Variants in SLC17A6 observed in about 807,000 individuals in gnomAD.
SLC17A6 encodes the protein solute carrier family 17 member 6, also known as vesicular glutamate transporter 2.
Under a neutral mutation model 67.1 loss-of-function variants are expected in SLC17A6, and 35 were observed. That is an observed-to-expected ratio of 0.52 (90% confidence interval 0.40 to 0.69). The LOEUF is 0.69. SLC17A6 is among the 30% of genes least tolerant of loss of function. The pLI, the probability that SLC17A6 is intolerant of heterozygous loss-of-function variation, is 0.00. For missense variants in SLC17A6, 588 were observed against 723.9 expected (o/e 0.81, Z 2.15); for synonymous variants, 285 against 252.3 (o/e 1.13, Z -1.23).
At chr11:22,375,480 G>A (rs1047685606) in intron 9 of SLC17A6, among the ~76,000 whole-genome samples, 1 of 151,814 alleles carries the variant, frequency 6.6e-6, no homozygotes, top group Non-Finnish European at 1.5e-5. Flanking sequence ...GTTTTTCTTT[G>A]TTTGTTTTTG....
At chr11:22,365,020 T>G (rs902717111) in intron 6 of SLC17A6, among the ~76,000 whole-genome samples, 29 of 152,268 alleles carry the variant, frequency 1.9e-4, no homozygotes, top group African/African-American at 6.5e-4. Context: ...TAGCCACTCA[T>G]GCTAAAATAT....
chr11:22,371,425 C>T (rs966710903), intron 8 of SLC17A6, among the ~76,000 whole-genome samples: 12 of 151,942 alleles, frequency 7.9e-5, no homozygotes, highest in Non-Finnish European at 1.3e-4. Context: ...CCTCCATCCC[C>T]GAGAAGAATG....
At chr11:22,375,166 T>C (rs1856219071) in intron 9 of SLC17A6, among the ~76,000 whole-genome samples, 1 of 150,422 alleles carries the variant, frequency 6.6e-6, no homozygotes, top group South Asian at 2.1e-4. Context: ...AGGTCAGGAG[T>C]TCAAGACCAG....
chr11:22,375,147 T>C (rs1187694771), intron 9 of SLC17A6, among the ~76,000 whole-genome samples: 1 of 151,832 alleles, frequency 6.6e-6, no homozygotes, highest in Non-Finnish European at 1.5e-5. Context: ...CCAAGGTGGG[T>C]GGATCACGAG....
chr11:22,366,288 T>C (rs1052247718), intron 7 of SLC17A6, among the ~76,000 whole-genome samples: 3 of 151,488 alleles, frequency 2.0e-5, no homozygotes, highest in Non-Finnish European at 2.9e-5. Flanking sequence ...CTGTAAAATA[T>C]CTTATTGTAC....
At chr11:22,346,871 C>CA (rs1046222632) in intron 3 of SLC17A6, among the ~76,000 whole-genome samples, 35 of 148,332 alleles carry the variant, frequency 2.4e-4, no homozygotes, top group African/African-American at 8.1e-4. Context: ...ATTTTTTTTG[C>CA]AAAAGGCATA....
chr11:22,347,026 T>G (rs990437040), intron 3 of SLC17A6, among the ~76,000 whole-genome samples: 5 of 151,826 alleles, frequency 3.3e-5, no homozygotes, highest in African/African-American at 1.2e-4. Flanking sequence ...CCTGCTCCTA[T>G]CCTCTTGATT....
At chr11:22,356,511 G>A (rs11026529) in intron 3 of SLC17A6, among the ~76,000 whole-genome samples, 16,856 of 151,950 alleles carry the variant, frequency 0.11, 1,455 homozygotes, top group East Asian at 0.47. Flanking sequence ...GAGATGAAGC[G>A]CCCACTAATA....
intron 5 of SLC17A6, among the ~76,000 whole-genome samples, 181 bp from the exon 6 acceptor site, chr11:22,362,558 C>T (rs1192122880): frequency 2.6e-5 from 4 of 152,162 alleles, no homozygotes; most frequent in East Asian, 1.9e-4. Context: ...TGTGTAATCC[C>T]GTGTTCCTGT....
Position 22,354,268 on chromosome 11 carries a change from C to T in SLC17A6, c.459-5145C>T, listed in dbSNP as rs12577022. On this transcript the variant is annotated intron_variant, in intron 3 of 11. Transcript: ENST00000263160. Reference sequence around the variant, plus strand: ...GCAGCTAATTTTTGTGTTTTTAGTACAGACGGGATTTCACCATGTTGGTCG... The same window carrying T: ...GCAGCTAATTTTTGTGTTTTTAGTATAGACGGGATTTCACCATGTTGGTCG... Among the ~76,000 whole-genome samples the T allele has an allele frequency of 0.01, 1,574 of 152,016 alleles. 44 individuals carry two copies. In the East Asian group the frequency reaches 0.12, roughly 12 times the overall value.
At chr11:22,374,719 T>G in intron 8 of SLC17A6, 36 bp from the exon 9 acceptor site, 1 of 1,539,814 alleles carries the variant, frequency 6.5e-7, no homozygotes, top group Admixed American at 2.0e-5. Context: ...TTATTTATGG[T>G]TATGTCTATT....
At chr11:22,339,531 A>G (rs7126852) in intron 1 of SLC17A6, among the ~76,000 whole-genome samples, 24,742 of 152,110 alleles carry the variant, frequency 0.16, 2,388 homozygotes, top group East Asian at 0.47. Flanking sequence ...GTAATTTGCA[A>G]AACTTTAAAT....
chr11:22,349,480 G>C (rs1337050749), intron 3 of SLC17A6, among the ~76,000 whole-genome samples: 1 of 152,182 alleles, frequency 6.6e-6, no homozygotes, highest in African/African-American at 2.4e-5. Flanking sequence ...CCAAGGGCTT[G>C]CATGTACTTT....
chr11:22,352,482 C>T (rs1018005211), intron 3 of SLC17A6, among the ~76,000 whole-genome samples: 1 of 152,224 alleles, frequency 6.6e-6, no homozygotes, highest in African/African-American at 2.4e-5. Context: ...TTATCACCTA[C>T]ATATACCTCA....
In SLC17A6 at chr11:22,363,114, T is replaced by C. The variant is rs377568026; in HGVS notation, c.748+289T>C. 3.3e-5 allele frequency among the ~76,000 whole-genome samples: 5 copies of C among 152,060 alleles called. No homozygotes were observed. The East Asian group carries it at 7.7e-4, about 23-fold the overall frequency. On this transcript the variant is annotated intron_variant, in intron 6 of 11. Transcript: ENST00000263160. ...TATGAAAAAATATTAAATTAGCTCT[T>C]GATTAAAAGCTGATGAAGAGGAAAG...
chr11:22,370,770 A>T (rs1856166531), intron 8 of SLC17A6, among the ~76,000 whole-genome samples: 1 of 152,168 alleles, frequency 6.6e-6, no homozygotes, highest in Non-Finnish European at 1.5e-5. Context: ...CAAAATGCTC[A>T]CAGCTTGGTG....
At position 22,355,198 on chromosome 11, in the gene SLC17A6, A is replaced by G. The variant is rs1855982827; in HGVS notation, c.459-4215A>G. On this transcript the variant is annotated intron_variant, in intron 3 of 11. Coordinates refer to ENST00000263160, the MANE Select transcript of SLC17A6 (RefSeq NM_020346.3). ...TCAAGGTCACTCAGTAATAAGTGTC[A>G]GATGAACTGTGAACCCAGGCAGTCT... Among the ~76,000 whole-genome samples the G allele has an allele frequency of 2.6e-5, 4 of 152,328 alleles. No homozygotes were observed. The South Asian group carries it at 8.3e-4, about 32-fold the overall frequency.
intron 3 of SLC17A6, among the ~76,000 whole-genome samples, chr11:22,358,110 G>A (rs915367058): frequency 2.6e-5 from 4 of 152,070 alleles, no homozygotes; most frequent in African/African-American, 9.7e-5. Context: ...ACATTTAAAA[G>A]TGCCCACAAG....
Position 22,338,539 on chromosome 11 carries a change from A to C in SLC17A6, c.6A>C (p.Glu2Asp). The C allele has an allele frequency of 6.2e-7, 1 of 1,612,138 alleles. No homozygotes were observed. Among genetic ancestry groups the C allele is most frequent in the South Asian group, 1.1e-5 (1 of 90,892 alleles). Residue 2 changes from glutamate to aspartate, a missense_variant, in exon 1 of 12, where the codon GAA becomes GAC. This residue lies in a region of SLC17A6 where 117 missense variants were observed against 98.7 expected (regional missense o/e 1.19). Transcript: ENST00000263160. M[E>D]SVKQRILAPG... ...TGACAACAGTCTTTGCAAGAATGGA[A>C]TCCGTAAAACAAAGGATTTTGGCCC... is the stretch of plus-strand genomic sequence containing the variant.
Sources: allele counts gnomAD v4.1 joint callset (sites outside exome capture counted in the v4.1 genomes callset), GRCh38; gene constraint gnomAD v4.1.1; regional missense constraint gnomAD v4.1.1; transcripts MANE v1.5; gene names NCBI Gene and HGNC (gene_info 2026-07-23, HGNC 2026-07-21).